The following SYNE1 variants were observed in gnomAD, a reference collection of about 807,000 sequenced individuals.
SYNE1 encodes nesprin-1.
SYNE1 carries 616 observed loss-of-function variants against 1,111.0 expected under a neutral mutation model. The observed-to-expected ratio is 0.55, with a 90% confidence interval of 0.52 to 0.59. The LOEUF (loss-of-function observed/expected upper bound fraction) is 0.59. SYNE1 is among the 20% of genes least tolerant of loss of function. The pLI is 0.00. For missense variants in SYNE1, 10,006 were observed against 10,417.0 expected (o/e 0.96, Z 1.72); for synonymous variants, 3,855 against 3,825.8 (o/e 1.01, Z -0.28).
intron 11 of SYNE1, among the ~76,000 whole-genome samples, chr6:152,494,014 C>T (rs996130540): frequency 6.6e-6 from 1 of 152,180 alleles, no homozygotes; most frequent in African/African-American, 2.4e-5. Context: ...AGCCAAAGTA[C>T]AGGACTGTGC....
At position 152,164,252 on chromosome 6, in the gene SYNE1, G is replaced by GA; in HGVS notation, c.23700_23701insT (p.Leu7901SerfsTer18). ...GCCAGCTCTGACTCGATGTGAGCGA[G>GA]CCAGGTCCTCAGGCTGCTCATGTTC... On this transcript the variant is annotated frameshift_variant, in exon 131 of 146. Coordinates refer to ENST00000367255, the MANE Select transcript of SYNE1 (RefSeq NM_182961.4). LOFTEE classifies it high-confidence loss of function. 6.2e-7 allele frequency: 1 copy of GA among 1,614,182 alleles called. No individual in the cohort carries two copies. Among genetic ancestry groups the GA allele is most frequent in the Non-Finnish European group, 8.5e-7 (1 of 1,180,044 alleles).
intron 11 of SYNE1, among the ~76,000 whole-genome samples, chr6:152,498,466 G>A (rs1393297391): frequency 6.6e-6 from 1 of 152,082 alleles, no homozygotes; most frequent in Non-Finnish European, 1.5e-5. Context: ...TTTTATTAGT[G>A]TTATTAAGTA....
rs367981643 is a variant in SYNE1, at chr6:152,391,243, G to A, written c.8004+34C>T. On this transcript the variant is annotated intron_variant, in intron 52 of 145. Coordinates refer to ENST00000367255, the MANE Select transcript of SYNE1 (RefSeq NM_182961.4). Reference sequence around the variant, plus strand: ...GTGAATCTAATCAAATTAGCATTCAGCAGTTGTCAGTGTCTGGCTGGTGTC... The same window carrying A: ...GTGAATCTAATCAAATTAGCATTCAACAGTTGTCAGTGTCTGGCTGGTGTC... 5.6e-6 allele frequency: 9 copies of A among 1,612,678 alleles called. No homozygotes were observed. In the African/African-American group the frequency reaches 1.1e-4, roughly 19 times the overall value.
Position 152,283,938 on chromosome 6 carries a change from A to G in SYNE1, c.18207+40T>C, listed in dbSNP as rs571565260. On this transcript the variant is annotated intron_variant, in intron 96 of 145. Coordinates refer to ENST00000367255, the MANE Select transcript of SYNE1 (RefSeq NM_182961.4). ...ACTTGGTAACACAACGTTAAAAGTTAACTCAGAAGTGAGGAGGCCACTTTA... is the reference window on the plus strand; with the variant it reads ...ACTTGGTAACACAACGTTAAAAGTTGACTCAGAAGTGAGGAGGCCACTTTA... 3 of 1,506,740 alleles carry G rather than the reference A, an allele frequency of 2.0e-6. No individual in the cohort carries two copies. In the Admixed American group the frequency reaches 5.0e-5, roughly 25 times the overall value. The allele number at this position is 1,506,740 out of a possible 1,614,324, so 93.3% of individuals were successfully genotyped here.
intron 40 of SYNE1, 37 bp from the exon 41 acceptor site, chr6:152,417,052 C>T (rs749336202): frequency 4.7e-5 from 76 of 1,611,472 alleles, no homozygotes; most frequent in Non-Finnish European, 6.1e-5. Flanking sequence ...TCCTGAGATA[C>T]ACTACAGTCT....
chr6:152,363,521 A>C (rs1301836593), intron 63 of SYNE1, among the ~76,000 whole-genome samples: 7 of 150,448 alleles, frequency 4.7e-5, no homozygotes, highest in East Asian at 2.0e-4. Flanking sequence ...AAATAAATAA[A>C]TAAATAAATA....
chr6:152,344,014 T>A (rs1364986899), intron 74 of SYNE1, 67 bp downstream of exon 74: 1 of 1,605,922 alleles, frequency 6.2e-7, no homozygotes, highest in Non-Finnish European at 8.5e-7. Flanking sequence ...TCATAGGTAC[T>A]TCACACATTT....
intron 40 of SYNE1, 95 bp from the exon 41 acceptor site, chr6:152,417,110 G>T: frequency 6.4e-7 from 1 of 1,558,612 alleles, no homozygotes; most frequent in Non-Finnish European, 8.8e-7. Context: ...TCTATTTTAG[G>T]TGCCATGGAT....
intron 106 of SYNE1, 143 bp from the exon 107 acceptor site, chr6:152,242,583 T>C (rs1313183272): frequency 1.3e-6 from 1 of 795,126 alleles, no homozygotes; most frequent in African/African-American, 1.7e-5. Flanking sequence ...GCTCTACCTG[T>C]AGGCCATCTG....
chr6:152,321,612 GA>G, intron 83 of SYNE1, 108 bp downstream of exon 83: 1 of 1,442,208 alleles, frequency 6.9e-7, no homozygotes, highest in Non-Finnish European at 9.6e-7. Flanking sequence ...ACACACTTCT[GA>G]AATTTTTTAA....
chr6:152,509,412 AC>A (rs1186084889), intron 8 of SYNE1, among the ~76,000 whole-genome samples: 1 of 151,610 alleles, frequency 6.6e-6, no homozygotes, highest in Non-Finnish European at 1.5e-5. Flanking sequence ...ACGCGCCACC[AC>A]GCCCAGCTAA....
At chr6:152,220,430 T>C (rs1303719616) in intron 119 of SYNE1, among the ~76,000 whole-genome samples, 1 of 152,178 alleles carries the variant, frequency 6.6e-6, no homozygotes, top group Non-Finnish European at 1.5e-5. Flanking sequence ...ACCATTAATA[T>C]CTTAGATGAA....
chr6:152,368,781 C>T, intron 61 of SYNE1, 191 bp downstream of exon 61: 1 of 700,976 alleles, frequency 1.4e-6, no homozygotes, highest in Non-Finnish European at 2.5e-6. Context: ...AGAGCCACAT[C>T]AAGCTTATGC....
chr6:152,581,372 C>T (rs921352630), intron 3 of SYNE1, among the ~76,000 whole-genome samples: 1 of 152,166 alleles, frequency 6.6e-6, no homozygotes, highest in Non-Finnish European at 1.5e-5. Context: ...GACCAGAAGT[C>T]TCACCAGTAA....
At chr6:152,337,252 A>T (rs2096414777) in intron 75 of SYNE1, among the ~76,000 whole-genome samples, 1 of 152,030 alleles carries the variant, frequency 6.6e-6, no homozygotes, top group South Asian at 2.1e-4. Context: ...TCTACAAGTT[A>T]TGCTATATGG....
At chr6:152,376,151 A>G (rs1030483688) in intron 58 of SYNE1, 11 of 521,848 alleles carry the variant, frequency 2.1e-5, no homozygotes, top group East Asian at 1.4e-4. Flanking sequence ...ACAGTTCACA[A>G]TGGGGTTCAG....
At chr6:152,465,556 C>A (rs558337762) in intron 17 of SYNE1, 96 bp from the exon 18 acceptor site, 1 of 1,114,770 alleles carries the variant, frequency 9.0e-7, no homozygotes, top group Non-Finnish European at 1.3e-6. Flanking sequence ...GCAATAGTAT[C>A]CATCACAAAT....
chr6:152,258,936 GA>G (rs1315278904), intron 101 of SYNE1, among the ~76,000 whole-genome samples: 1 of 151,834 alleles, frequency 6.6e-6, no homozygotes, highest in Non-Finnish European at 1.5e-5. Context: ...GTAGAGACAG[GA>G]TTTCCCCATG....
chr6:152,392,915 A>T (rs1358317749), intron 51 of SYNE1, among the ~76,000 whole-genome samples: 1 of 152,186 alleles, frequency 6.6e-6, no homozygotes, highest in Non-Finnish European at 1.5e-5. Context: ...AAATATTTCA[A>T]GTAGTGAAAT....
Sources: allele counts gnomAD v4.1 joint callset (sites outside exome capture counted in the v4.1 genomes callset), GRCh38; gene constraint gnomAD v4.1.1; transcripts MANE v1.5; gene names NCBI Gene and HGNC (gene_info 2026-07-23, HGNC 2026-07-21).